The following NCKAP5 variants were observed in gnomAD, a reference collection of about 807,000 sequenced individuals.
NCKAP5 encodes the protein nck-associated protein 5.
Under a neutral mutation model 167.0 loss-of-function variants are expected in NCKAP5, and 92 were observed. The observed-to-expected ratio is 0.55, with a 90% CI of 0.47 to 0.66. NCKAP5 has a LOEUF of 0.66. Among genes scored for constraint, NCKAP5 ranks in the 30% least tolerant of loss-of-function variants. The pLI is 0.00. For synonymous variants in NCKAP5, 891 were observed against 877.4 expected, an observed-to-expected ratio of 1.02 and a Z score of -0.27; for missense variants, 2,378 against 2,315.0, an observed-to-expected ratio of 1.03 and a Z score of -0.56.
At chr2:132,827,348 T>G (rs1450999276) in intron 11 of NCKAP5, among the ~76,000 whole-genome samples, 2 of 152,208 alleles carry the variant, frequency 1.3e-5, no homozygotes, top group Non-Finnish European at 2.9e-5. Flanking sequence ...GTTGGCCATT[T>G]GTAGATCCTT....
At chr2:133,275,031 A>C (rs1470540715) in intron 4 of NCKAP5, among the ~76,000 whole-genome samples, 4 of 151,976 alleles carry the variant, frequency 2.6e-5, no homozygotes, top group Non-Finnish European at 4.4e-5. Context: ...ATGTATTATA[A>C]ACAGAATACA....
At chr2:133,262,168 A>C (rs2088940166) in intron 4 of NCKAP5, among the ~76,000 whole-genome samples, 1 of 152,174 alleles carries the variant, frequency 6.6e-6, no homozygotes, top group Admixed American at 6.5e-5. Context: ...TTTATAGATG[A>C]TGAAACAGGT....
intron 8 of NCKAP5, among the ~76,000 whole-genome samples, chr2:132,961,873 T>G (rs558945334): frequency 5.3e-5 from 8 of 152,352 alleles, no homozygotes; most frequent in African/African-American, 1.9e-4. Context: ...TTTCCTATTG[T>G]GAATCTAGTT....
At chr2:133,347,914 G>T (rs1242708315) in intron 3 of NCKAP5, among the ~76,000 whole-genome samples, 1 of 152,188 alleles carries the variant, frequency 6.6e-6, no homozygotes, top group Non-Finnish European at 1.5e-5. Context: ...TTATCACAGA[G>T]ATTATAATTG....
At chr2:133,609,573 T>C in the NCKAP5 span, among the ~76,000 whole-genome samples, 1 of 152,070 alleles carries the variant, frequency 6.6e-6, no homozygotes, top group African/African-American at 2.4e-5. Flanking sequence ...TCCTCATTAT[T>C]ATCTAGGGGC....
At chr2:132,820,892 T>C (rs1469249716) in intron 11 of NCKAP5, among the ~76,000 whole-genome samples, 2 of 152,220 alleles carry the variant, frequency 1.3e-5, no homozygotes, top group Non-Finnish European at 2.9e-5. Context: ...TATTTGGGCT[T>C]ATCCTGCGTG....
intron 4 of NCKAP5, among the ~76,000 whole-genome samples, chr2:133,262,060 T>C (rs1012763391): frequency 3.9e-5 from 6 of 152,206 alleles, no homozygotes; most frequent in African/African-American, 7.2e-5. Context: ...GCTGCTAACA[T>C]CTGTTGGCTT....
chr2:133,270,066 C>A (rs937455818), intron 4 of NCKAP5, among the ~76,000 whole-genome samples: 1 of 152,078 alleles, frequency 6.6e-6, no homozygotes, highest in African/African-American at 2.4e-5. Flanking sequence ...GACTGGAATG[C>A]CTATTAAGTT....
Position 133,405,886 on chromosome 2 carries a change from T to C in NCKAP5, c.70-102776A>G, listed in dbSNP as rs115477655. Among the ~76,000 whole-genome samples the C allele has an allele frequency of 4.1e-3, 622 of 152,310 alleles. 2 individuals carry two copies. The highest frequency in any genetic ancestry group is 5.4e-3 in the Non-Finnish European group (367 of 68,018). On this transcript the variant is annotated intron_variant, in intron 3 of 19. Transcript: ENST00000409261. The stretch of plus-strand genomic sequence containing the variant: ...CCAGATGCCGTAGGCACTCAATACA[T>C]AGTTGGTGAATGAATGGCAATTGTT...
chr2:133,359,514 A>G (rs1181498612), intron 3 of NCKAP5, among the ~76,000 whole-genome samples: 1 of 152,192 alleles, frequency 6.6e-6, no homozygotes, highest in Non-Finnish European at 1.5e-5. Context: ...TTTTTTGCCC[A>G]TATTTTCTCT....
intron 11 of NCKAP5, among the ~76,000 whole-genome samples, chr2:132,845,217 G>A (rs543972859): frequency 3.9e-5 from 6 of 151,988 alleles, no homozygotes; most frequent in African/African-American, 1.4e-4. Context: ...TCCTTTATTT[G>A]TATGTCAAAA....
chr2:132,938,483 C>A (rs1697021766), intron 8 of NCKAP5, among the ~76,000 whole-genome samples: 2 of 152,132 alleles, frequency 1.3e-5, no homozygotes, highest in South Asian at 4.1e-4. Flanking sequence ...GTTCTCTATG[C>A]CTGTCTGGCT....
chr2:133,333,520 AC>A, intron 3 of NCKAP5, among the ~76,000 whole-genome samples: 2 of 152,132 alleles, frequency 1.3e-5, no homozygotes, highest in Non-Finnish European at 2.9e-5. Context: ...ACACAGAAAG[AC>A]TCAACGGTCC....
the NCKAP5 span, among the ~76,000 whole-genome samples, chr2:133,663,241 C>T: frequency 1.3e-5 from 2 of 148,834 alleles, no homozygotes; most frequent in Non-Finnish European, 3.0e-5. Flanking sequence ...AGTCCGCAGT[C>T]CGGCCTGGGC....
chr2:132,679,440 A>G (rs1351370766), intron 19 of NCKAP5, among the ~76,000 whole-genome samples: 1 of 152,158 alleles, frequency 6.6e-6, no homozygotes, highest in Non-Finnish European at 1.5e-5. Context: ...CTCAAACAAA[A>G]GAATGTTTGA....
chr2:133,467,900 T>C (rs1692725400), intron 3 of NCKAP5, among the ~76,000 whole-genome samples: 1 of 133,008 alleles, frequency 7.5e-6, no homozygotes, highest in African/African-American at 2.9e-5. Flanking sequence ...TTCTTCTCTC[T>C]TTTCTTCTTT....
At chr2:133,556,655 A>G (rs1006346328) in intron 2 of NCKAP5, 1 of 152,228 alleles carries the variant, frequency 6.6e-6, no homozygotes, top group Non-Finnish European at 1.5e-5. Flanking sequence ...TGATAAACCA[A>G]TTCAAGAATC....
intron 8 of NCKAP5, among the ~76,000 whole-genome samples, chr2:132,933,013 C>T (rs1696539514): frequency 6.6e-6 from 1 of 151,254 alleles, no homozygotes; most frequent in African/African-American, 2.4e-5. Flanking sequence ...CAAGCTCCGC[C>T]TCCCGGGTTC....
chr2:133,494,232 A>G (rs748887011), intron 3 of NCKAP5, among the ~76,000 whole-genome samples: 1 of 152,218 alleles, frequency 6.6e-6, no homozygotes, highest in Non-Finnish European at 1.5e-5. Flanking sequence ...TCATATAGCC[A>G]AAAACCATAC....
Sources: allele counts gnomAD v4.1 joint callset (sites outside exome capture counted in the v4.1 genomes callset), GRCh38; gene constraint gnomAD v4.1.1; transcripts MANE v1.5; gene names NCBI Gene and HGNC (gene_info 2026-07-23, HGNC 2026-07-21).